Variants in OSBPL1A observed in about 807,000 individuals in gnomAD.
OSBPL1A encodes the protein oxysterol-binding protein-related protein 1.
Under a neutral mutation model 137.1 loss-of-function variants are expected in OSBPL1A, and 80 were observed. The ratio of observed to expected loss-of-function variants is 0.58; its 90% confidence interval spans 0.49 to 0.70. The LOEUF (loss-of-function observed/expected upper bound fraction) is 0.70, where lower values mean the gene tolerates loss of function less well. Among genes scored for constraint, OSBPL1A ranks in the 30% least tolerant of loss-of-function variants. OSBPL1A has a pLI of 0.00. For synonymous variants in OSBPL1A, 365 were observed against 389.7 expected (o/e 0.94, Z 0.75); for missense variants, 970 against 1,129.4 (o/e 0.86, Z 2.02).
chr18:24,375,997 C>G (rs1035136061), intron 2 of OSBPL1A, among the ~76,000 whole-genome samples: 33 of 152,168 alleles, frequency 2.2e-4, no homozygotes, highest in Admixed American at 2.2e-3. Flanking sequence ...AGGAGTGAAG[C>G]TGCAGACCTT....
intron 15 of OSBPL1A, among the ~76,000 whole-genome samples, chr18:24,257,053 C>G (rs1442007416): frequency 7.0e-6 from 1 of 142,574 alleles, no homozygotes; most frequent in Non-Finnish European, 1.5e-5. Flanking sequence ...CCATACTATT[C>G]AAAGCAATCA....
chr18:24,255,756 A>ATTT (rs536171928), intron 15 of OSBPL1A, among the ~76,000 whole-genome samples: 3 of 138,124 alleles, frequency 2.2e-5, no homozygotes, highest in Admixed American at 7.2e-5. Context: ...AAACTTTCTA[A>ATTT]TTTTTTTTTT....
intron 4 of OSBPL1A, among the ~76,000 whole-genome samples, chr18:24,351,371 A>T (rs2091438186): frequency 6.8e-6 from 1 of 147,916 alleles, no homozygotes; most frequent in African/African-American, 2.5e-5. Flanking sequence ...AAAAAAAAAG[A>T]CATAAAAAAA....
Position 24,316,214 on chromosome 18 carries a change from T to G in OSBPL1A, c.870+935A>C, listed in dbSNP as rs192894499. ...AGGTGGAGGTTGCAGTAAGCTGAGA[T>G]CGTGCCACTGCCCTCCAGCCTGGGA... On this transcript the variant is annotated intron_variant, in intron 11 of 27. Coordinates refer to ENST00000319481, the MANE Select transcript of OSBPL1A (RefSeq NM_080597.4). 1.3e-3 allele frequency among the ~76,000 whole-genome samples: 200 copies of G among 151,988 alleles called. 3 individuals are homozygous for G. The East Asian group carries it at 0.033, about 25-fold the overall frequency.
At chr18:24,363,294 T>G (rs1465823672) in intron 4 of OSBPL1A, among the ~76,000 whole-genome samples, 1 of 152,142 alleles carries the variant, frequency 6.6e-6, no homozygotes, top group East Asian at 1.9e-4. Flanking sequence ...GAGAATTCAT[T>G]TCCTTGCTTT....
chr18:24,294,837 C>T (rs2090260539), intron 14 of OSBPL1A, among the ~76,000 whole-genome samples: 1 of 152,172 alleles, frequency 6.6e-6, no homozygotes, highest in African/African-American at 2.4e-5. Context: ...AGGTTGGTCC[C>T]ACATCTTTTG....
At chr18:24,358,540 A>G in intron 4 of OSBPL1A, 1 of 702,252 alleles carries the variant, frequency 1.4e-6, no homozygotes, top group Non-Finnish European at 2.6e-6. Context: ...ATATATTTCA[A>G]GGCAGTCATT....
Position 24,283,306 on chromosome 18 carries a change from A to ATG in OSBPL1A, c.1175-2359_1175-2358insCA, listed in dbSNP as rs1301361127. Among the ~76,000 whole-genome samples the ATG allele has an allele frequency of 5.4e-5, 6 of 110,266 alleles. No homozygotes were observed. The East Asian group carries it at 1.6e-3, about 29-fold the overall frequency. 72.3% of individuals were successfully genotyped at this position (110,266 alleles called of 152,430 possible). ...AATATATATATATATATATATATGTATATATATACACACACACACAGACAC... is the reference window on the plus strand; with the variant it reads ...AATATATATATATATATATATATGTATGTATATATACACACACACACAGACAC... On this transcript the variant is annotated intron_variant, in intron 14 of 27. Transcript: ENST00000319481.
chr18:24,328,271 A>G (rs1468313442), intron 7 of OSBPL1A, among the ~76,000 whole-genome samples: 1 of 126,438 alleles, frequency 7.9e-6, no homozygotes, highest in Non-Finnish European at 1.6e-5. Flanking sequence ...TTTGTTAGCC[A>G]GGATGGTCTC....
At chr18:24,386,732 G>T (rs576913720) in intron 1 of OSBPL1A, among the ~76,000 whole-genome samples, 6 of 152,308 alleles carry the variant, frequency 3.9e-5, no homozygotes, top group South Asian at 4.1e-4. Flanking sequence ...GGCCAAGCCA[G>T]GTGGATCGCT....
At chr18:24,178,733 T>C (rs186630429) in intron 20 of OSBPL1A, among the ~76,000 whole-genome samples, 1 of 152,274 alleles carries the variant, frequency 6.6e-6, no homozygotes, top group African/African-American at 2.4e-5. Flanking sequence ...ATTTGAATGA[T>C]TTGCATGAAA....
At chr18:24,377,911 A>G (rs1906314300) in intron 1 of OSBPL1A, among the ~76,000 whole-genome samples, 1 of 152,354 alleles carries the variant, frequency 6.6e-6, no homozygotes, top group South Asian at 2.1e-4. Flanking sequence ...AAAAAACAAA[A>G]TTAGAGATAA....
intron 16 of OSBPL1A, among the ~76,000 whole-genome samples, chr18:24,228,351 T>C (rs1014490311): frequency 2.0e-5 from 3 of 148,422 alleles, no homozygotes; most frequent in Non-Finnish European, 3.0e-5. Context: ...CTCGCTATAA[T>C]ATAGTCAGGC....
At chr18:24,355,308 C>T (rs1045291353) in intron 4 of OSBPL1A, among the ~76,000 whole-genome samples, 1 of 151,094 alleles carries the variant, frequency 6.6e-6, no homozygotes, top group Non-Finnish European at 1.5e-5. Flanking sequence ...TCTAGACCAC[C>T]GTGACCAACA....
intron 7 of OSBPL1A, among the ~76,000 whole-genome samples, chr18:24,330,335 G>A (rs1433072412): frequency 6.6e-6 from 1 of 151,782 alleles, no homozygotes; most frequent in Non-Finnish European, 1.5e-5. Context: ...CCTCTGCTCA[G>A]AATACCCTTT....
chr18:24,266,808 CAA>C (rs10599344), intron 15 of OSBPL1A, among the ~76,000 whole-genome samples: 16,387 of 151,760 alleles, frequency 0.11, 1,767 homozygotes, highest in African/African-American at 0.28. Flanking sequence ...CACGAAATTA[CAA>C]AAAATGCTAG....
intron 15 of OSBPL1A, among the ~76,000 whole-genome samples, chr18:24,270,628 T>C (rs978884394): frequency 2.0e-5 from 3 of 152,064 alleles, no homozygotes; most frequent in East Asian, 1.9e-4. Flanking sequence ...TAAACAGAAA[T>C]TGAGTTACCT....
chr18:24,194,931 T>C lies in OSBPL1A; in HGVS notation c.1677+1194A>G, dbSNP rs536502064. ...AATATTTGTTTAAAATTAATGTTTA[T>C]GAAATTTGTTCCTTGGAAATTACAT... On this transcript the variant is annotated intron_variant, in intron 18 of 27. Coordinates refer to ENST00000319481, the MANE Select transcript of OSBPL1A (RefSeq NM_080597.4). 5.3e-5 allele frequency among the ~76,000 whole-genome samples: 8 copies of C among 152,356 alleles called. No individual in the cohort carries two copies. The South Asian group carries it at 6.2e-4, about 12-fold the overall frequency.
chr18:24,307,232 G>A (rs2090521240), intron 13 of OSBPL1A, among the ~76,000 whole-genome samples: 1 of 152,052 alleles, frequency 6.6e-6, no homozygotes, highest in South Asian at 2.1e-4. Context: ...GCAGTGAGCT[G>A]TGATCACACC....
Sources: allele counts gnomAD v4.1 joint callset (sites outside exome capture counted in the v4.1 genomes callset), GRCh38; gene constraint gnomAD v4.1.1; transcripts MANE v1.5; gene names NCBI Gene and HGNC (gene_info 2026-07-23, HGNC 2026-07-21).